Variants in NR3C1 observed in about 807,000 individuals in gnomAD.
NR3C1 encodes glucocorticoid receptor.
NR3C1 carries 14 observed loss-of-function variants against 74.0 expected under a neutral mutation model. The ratio of observed to expected loss-of-function variants is 0.19; its 90% CI spans 0.12 to 0.30. The LOEUF (loss-of-function observed/expected upper bound fraction) is 0.30, where lower values mean the gene tolerates loss of function less well. Ranked by LOEUF, NR3C1 falls within the 10% of genes least tolerant of loss-of-function variation. The pLI is 1.00. For missense variants in NR3C1, 695 were observed against 909.8 expected (o/e 0.76, Z 3.04); for synonymous variants, 308 against 332.5 (o/e 0.93, Z 0.80).
At chr5:143,360,601 G>A (rs10515521) in intron 2 of NR3C1, among the ~76,000 whole-genome samples, 19,752 of 152,086 alleles carry the variant, frequency 0.13, 1,479 homozygotes, top group Middle Eastern at 0.3. Flanking sequence ...ATTTTCTATT[G>A]CTACATCAAG....
At chr5:143,391,805 A>G (rs1405701609) in intron 2 of NR3C1, among the ~76,000 whole-genome samples, 1 of 152,140 alleles carries the variant, frequency 6.6e-6, no homozygotes, top group Non-Finnish European at 1.5e-5. Flanking sequence ...CACATAGCAG[A>G]CCCTAAAAGA....
At chr5:143,398,364 T>G (rs1277927450) in intron 2 of NR3C1, among the ~76,000 whole-genome samples, 1 of 150,736 alleles carries the variant, frequency 6.6e-6, no homozygotes, top group African/African-American at 2.4e-5. Flanking sequence ...TGGTTTTTTT[T>G]TTTTTTTTTT....
chr5:143,341,656 A>G (rs1828249946), intron 2 of NR3C1, among the ~76,000 whole-genome samples: 1 of 152,208 alleles, frequency 6.6e-6, no homozygotes, highest in African/African-American at 2.4e-5. Context: ...GACCACCAGA[A>G]AGTTGAAAGT....
Position 143,282,553 on chromosome 5 carries a change from A to G in NR3C1, c.2181+15T>C. On this transcript the variant is annotated intron_variant, in intron 8 of 8. Coordinates refer to ENST00000394464, the MANE Select transcript of NR3C1 (RefSeq NM_000176.3). ...CCAGAAAACTCTTATATTTGGCTTT[A>G]TGTTTGACACTTACTTCATGCATAG... The G allele has an allele frequency of 6.2e-7, 1 of 1,613,556 alleles. No homozygotes were observed. Among genetic ancestry groups the G allele is most frequent in the Non-Finnish European group, 8.5e-7 (1 of 1,179,666 alleles).
rs1349995177 is a variant in NR3C1 at position 143,365,849 on chromosome 5, A to C, written c.1184+33807T>G. On this transcript the variant is annotated intron_variant, in intron 2 of 8. Transcript: ENST00000394464. ...TGACACTGAGAATTAACAAAGAAGG[A>C]AATCTGGAAAGTTCACAGGTATGTG... Among the ~76,000 whole-genome samples the C allele has an allele frequency of 2.6e-5, 4 of 152,364 alleles. No individual in the cohort carries two copies. The East Asian group carries it at 5.8e-4, about 22-fold the overall frequency.
At chr5:143,397,205 A>G (rs558882422) in intron 2 of NR3C1, among the ~76,000 whole-genome samples, 1 of 151,982 alleles carries the variant, frequency 6.6e-6, no homozygotes, top group Admixed American at 6.5e-5. Flanking sequence ...AAACAATTTT[A>G]GGTGGCATTT....
chr5:143,332,948 A>C, intron 2 of NR3C1: 1 of 1,577,480 alleles, frequency 6.3e-7, no homozygotes, highest in East Asian at 2.2e-5. Flanking sequence ...CTGTCCGAGA[A>C]CTCATTTTGA....
At chr5:143,317,220 G>C (rs1397645165) in intron 2 of NR3C1, among the ~76,000 whole-genome samples, 1 of 152,106 alleles carries the variant, frequency 6.6e-6, no homozygotes, top group Non-Finnish European at 1.5e-5. Context: ...AAAAGGGCTA[G>C]GGTACAACAA....
At chr5:143,386,192 G>A (rs993312645) in intron 2 of NR3C1, among the ~76,000 whole-genome samples, 1 of 152,160 alleles carries the variant, frequency 6.6e-6, no homozygotes, top group Non-Finnish European at 1.5e-5. Flanking sequence ...AACAGCAGAG[G>A]AGAAGTCTGC....
At chr5:143,298,348 T>C (rs1817762175) in intron 6 of NR3C1, among the ~76,000 whole-genome samples, 1 of 152,190 alleles carries the variant, frequency 6.6e-6, no homozygotes, top group Non-Finnish European at 1.5e-5. Context: ...CATGCTCCTT[T>C]TTCTTTCTGG....
intron 2 of NR3C1, among the ~76,000 whole-genome samples, chr5:143,341,049 A>G (rs1333599725): frequency 6.6e-6 from 1 of 152,186 alleles, no homozygotes; most frequent in Non-Finnish European, 1.5e-5. Context: ...TCAGTTCTTC[A>G]GTCTGTGGGC....
At chr5:143,387,993 G>A (rs1487940150) in intron 2 of NR3C1, among the ~76,000 whole-genome samples, 3 of 152,086 alleles carry the variant, frequency 2.0e-5, no homozygotes, top group Admixed American at 2.0e-4. Flanking sequence ...TTATAAAAGT[G>A]AAAAGCATAA....
At chr5:143,316,083 G>T (rs1561547787) in intron 2 of NR3C1, among the ~76,000 whole-genome samples, 1 of 152,204 alleles carries the variant, frequency 6.6e-6, no homozygotes, top group South Asian at 2.1e-4. Context: ...TCGAAAGCCT[G>T]TAACAGAATA....
chr5:143,357,393 T>C (rs61752272), intron 2 of NR3C1, among the ~76,000 whole-genome samples: 2 of 152,220 alleles, frequency 1.3e-5, no homozygotes. Flanking sequence ...ATATATGGTA[T>C]ACAAAATTGA....
chr5:143,327,301 C>A (rs561061174), intron 2 of NR3C1, among the ~76,000 whole-genome samples: 1 of 152,220 alleles, frequency 6.6e-6, no homozygotes, highest in Admixed American at 6.5e-5. Flanking sequence ...ACAAGAACAG[C>A]ATGGAAAAAA....
intron 1 of NR3C1, among the ~76,000 whole-genome samples, chr5:143,424,478 C>A (rs1038066854): frequency 1.3e-5 from 2 of 151,838 alleles, no homozygotes; most frequent in African/African-American, 4.8e-5. Context: ...TCACATGTAC[C>A]CTTTACATAT....
intron 2 of NR3C1, among the ~76,000 whole-genome samples, chr5:143,381,960 A>G (rs1836330858): frequency 6.6e-6 from 1 of 152,214 alleles, no homozygotes; most frequent in Non-Finnish European, 1.5e-5. Flanking sequence ...TCTGCACAGC[A>G]ACGGAAACAA....
intron 2 of NR3C1, among the ~76,000 whole-genome samples, chr5:143,378,622 T>C (rs995629944): frequency 6.6e-6 from 1 of 152,218 alleles, no homozygotes; most frequent in Non-Finnish European, 1.5e-5. Context: ...GTCTGAATTC[T>C]GAGATATCTG....
At chr5:143,339,929 G>A (rs989440832) in intron 2 of NR3C1, among the ~76,000 whole-genome samples, 2 of 152,062 alleles carry the variant, frequency 1.3e-5, no homozygotes, top group Non-Finnish European at 2.9e-5. Flanking sequence ...ACATATGAAT[G>A]GAGTCCCAGA....
Sources: gnomAD v4.1 joint callset for allele counts (sites outside exome capture counted in the v4.1 genomes callset) on GRCh38, gnomAD v4.1.1 for gene constraint, MANE v1.5 for transcripts, NCBI Gene and HGNC (gene_info 2026-07-23, HGNC 2026-07-21) for gene names.